The following GMDS variants were observed in gnomAD, a reference collection of about 807,000 sequenced individuals.
GMDS encodes the protein GDP-mannose 4,6-dehydratase.
Under a neutral mutation model 49.9 loss-of-function variants are expected in GMDS, and 20 were observed. The observed-to-expected ratio is 0.40, with a 90% CI of 0.28 to 0.58. The LOEUF (loss-of-function observed/expected upper bound fraction) is 0.58, where lower values mean the gene tolerates loss of function less well. GMDS is among the 20% of genes least tolerant of loss of function. The pLI is 0.42. For synonymous variants in GMDS, 177 were observed against 178.6 expected (o/e 0.99, Z 0.07); for missense variants, 362 against 481.4 (o/e 0.75, Z 2.32).
intron 9 of GMDS, among the ~76,000 whole-genome samples, chr6:1,663,279 A>G (rs1467095063): frequency 6.6e-6 from 1 of 152,206 alleles, no homozygotes; most frequent in African/African-American, 2.4e-5. Context: ...AGCACCGTGC[A>G]GGTCGTTGGC....
chr6:1,960,552 T>C lies in GMDS; in HGVS notation c.538+222A>G, dbSNP rs1872349. ...ATGAACATGGGTTGGTGAAGTGAGGTGGTAATTTCACCCCGAAGGCAATGG... is the reference window on the plus strand; with the variant it reads ...ATGAACATGGGTTGGTGAAGTGAGGCGGTAATTTCACCCCGAAGGCAATGG... On this transcript the variant is annotated intron_variant, in intron 5 of 10. Coordinates refer to ENST00000380815, the MANE Select transcript of GMDS (RefSeq NM_001500.4). 3.9e-3 allele frequency among the ~76,000 whole-genome samples: 587 copies of C among 152,168 alleles called. 3 individuals carry two copies. Among genetic ancestry groups the C allele is most frequent in the African/African-American group, 0.013 (537 of 41,504 alleles).
intron 7 of GMDS, among the ~76,000 whole-genome samples, chr6:1,842,481 C>T (rs1251555530): frequency 6.6e-6 from 1 of 152,192 alleles, no homozygotes; most frequent in Non-Finnish European, 1.5e-5. Context: ...CTCTGTTTCT[C>T]CAAATGGAGA....
chr6:2,155,182 T>C (rs918470735), intron 1 of GMDS, among the ~76,000 whole-genome samples: 1 of 152,148 alleles, frequency 6.6e-6, no homozygotes, highest in Non-Finnish European at 1.5e-5. Context: ...CAATCTGATA[T>C]AATGCAAAGA....
At chr6:2,120,262 T>C (rs926989587) in intron 2 of GMDS, among the ~76,000 whole-genome samples, 1 of 152,140 alleles carries the variant, frequency 6.6e-6, no homozygotes, top group Non-Finnish European at 1.5e-5. Flanking sequence ...AGCTAGTAAG[T>C]GGCAACGTTA....
rs531849440 is a variant in GMDS at position 1,939,154 on chromosome 6, T to C, written c.644-8924A>G. On this transcript the variant is annotated intron_variant, in intron 6 of 10. Coordinates refer to ENST00000380815, the MANE Select transcript of GMDS (RefSeq NM_001500.4). ...ATTTACACATGTTTTTGTAATTTTA[T>C]ATTCTGAATTAGATAATTCCAGTAT... is the stretch of plus-strand genomic sequence containing the variant. Among the ~76,000 whole-genome samples, 244 of 152,340 alleles carry C rather than the reference T, an allele frequency of 1.6e-3. 1 individual carries two copies. The highest frequency in any genetic ancestry group is 5.4e-3 in the African/African-American group (224 of 41,576).
At chr6:2,020,475 T>C (rs1055801279) in intron 4 of GMDS, among the ~76,000 whole-genome samples, 1 of 152,156 alleles carries the variant, frequency 6.6e-6, no homozygotes, top group African/African-American at 2.4e-5. Flanking sequence ...AGAGGCAGAA[T>C]GCTTCCAACT....
At chr6:2,087,195 T>G (rs938473318) in intron 4 of GMDS, among the ~76,000 whole-genome samples, 4 of 152,152 alleles carry the variant, frequency 2.6e-5, no homozygotes, top group African/African-American at 9.7e-5. Flanking sequence ...CAGGATAGAT[T>G]AGATGGACAA....
chr6:2,169,930 G>A (rs140214611), intron 1 of GMDS, among the ~76,000 whole-genome samples: 3,155 of 151,672 alleles, frequency 0.021, 42 homozygotes, highest in South Asian at 0.041. Context: ...CTGGCTGGGC[G>A]CGGTGGCTCA....
At chr6:1,721,268 T>C (rs901332460) in intron 9 of GMDS, among the ~76,000 whole-genome samples, 1 of 152,190 alleles carries the variant, frequency 6.6e-6, no homozygotes, top group African/African-American at 2.4e-5. Flanking sequence ...AGGAAGGTGT[T>C]GTTTTAACTA....
chr6:1,907,538 C>G (rs1760836898), intron 7 of GMDS, among the ~76,000 whole-genome samples: 1 of 152,214 alleles, frequency 6.6e-6, no homozygotes, highest in Non-Finnish European at 1.5e-5. Flanking sequence ...TAGAAATGTT[C>G]CACCTTTGAA....
At chr6:1,719,202 C>T (rs1333617297) in intron 9 of GMDS, among the ~76,000 whole-genome samples, 1 of 152,160 alleles carries the variant, frequency 6.6e-6, no homozygotes, top group African/African-American at 2.4e-5. Context: ...GTGGACCTAT[C>T]ACCTTGGCAG....
intron 7 of GMDS, among the ~76,000 whole-genome samples, chr6:1,789,810 T>C (rs771474495): frequency 3.5e-4 from 54 of 152,306 alleles, no homozygotes; most frequent in Non-Finnish European, 2.5e-4. Flanking sequence ...AGTGATGGGA[T>C]TGTGGGTGTG....
chr6:2,192,443 C>A (rs777391758), intron 1 of GMDS, among the ~76,000 whole-genome samples: 5 of 152,252 alleles, frequency 3.3e-5, no homozygotes, highest in Non-Finnish European at 7.3e-5. Flanking sequence ...CTGTAACACA[C>A]ACAGGGCTGA....
chr6:2,230,642 C>T (rs957144630), intron 1 of GMDS, among the ~76,000 whole-genome samples: 2 of 151,844 alleles, frequency 1.3e-5, no homozygotes, highest in Non-Finnish European at 2.9e-5. Flanking sequence ...AAAGAAAATA[C>T]TACATAAATT....
intron 9 of GMDS, among the ~76,000 whole-genome samples, chr6:1,714,560 T>C (rs1051080867): frequency 2.6e-5 from 4 of 152,198 alleles, no homozygotes; most frequent in Non-Finnish European, 5.9e-5. Context: ...TTCAGAAAGT[T>C]TCAGAGTAGC....
In GMDS at chr6:1,778,369, A is replaced by G. The variant is rs1196615047; in HGVS notation, c.772-35783T>C. 1.3e-5 allele frequency among the ~76,000 whole-genome samples: 2 copies of G among 152,192 alleles called. No individual in the cohort carries two copies. Among genetic ancestry groups the G allele is most frequent in the East Asian group, 3.9e-4 (2 of 5,194 alleles). The stretch of plus-strand genomic sequence containing the variant: ...ATACTGATTGAAGTCAATTATTATA[A>G]CACCTGAAAGATAAATGAGCTGATG... On this transcript the variant is annotated intron_variant, in intron 7 of 10. Coordinates refer to ENST00000380815, the MANE Select transcript of GMDS (RefSeq NM_001500.4). This position sits in a 1 kb window ranked among gnomAD's most constrained non-coding sequence, Gnocchi z 4.6.
intron 7 of GMDS, among the ~76,000 whole-genome samples, chr6:1,887,646 C>T (rs1173603256): frequency 6.6e-6 from 1 of 152,164 alleles, no homozygotes; most frequent in African/African-American, 2.4e-5. Context: ...ATGTCATTGT[C>T]ATTAGCAAAA....
intron 7 of GMDS, among the ~76,000 whole-genome samples, chr6:1,751,367 G>A (rs1012446108): frequency 4.3e-4 from 66 of 152,326 alleles, no homozygotes; most frequent in Admixed American, 3.1e-3. Flanking sequence ...CGAAGCTCCC[G>A]GAGGAAGGAA....
At chr6:1,710,104 G>C (rs1436668725) in intron 9 of GMDS, among the ~76,000 whole-genome samples, 1 of 152,228 alleles carries the variant, frequency 6.6e-6, no homozygotes, top group Non-Finnish European at 1.5e-5. Flanking sequence ...TGAAGTCAGA[G>C]CCCGTGCTAC....
Sources: gnomAD v4.1 joint callset for allele counts (sites outside exome capture counted in the v4.1 genomes callset) on GRCh38, gnomAD v4.1.1 for gene constraint, Gnocchi (gnomAD v3.1) non-coding constraint, MANE v1.5 for transcripts, NCBI Gene and HGNC (gene_info 2026-07-23, HGNC 2026-07-21) for gene names.